SDK1: variants seen among roughly 807,000 people sequenced by gnomAD.
SDK1 encodes sidekick cell adhesion molecule 1.
Under a neutral mutation model 245.5 loss-of-function variants are expected in SDK1, and 157 were observed. The observed-to-expected ratio is 0.64, with a 90% CI of 0.56 to 0.73. The LOEUF (loss-of-function observed/expected upper bound fraction) is 0.73. Ranked by LOEUF, SDK1 falls within the 30% of genes least tolerant of loss-of-function variation. SDK1 has a pLI of 0.00. For synonymous variants in SDK1, 1,647 were observed against 1,278.5 expected (o/e 1.29, Z -6.15); for missense variants, 3,583 against 3,002.3 (o/e 1.19, Z -4.52).
At position 3,573,817 on chromosome 7, in the gene SDK1, C is replaced by T. The variant is rs1780192992; in HGVS notation, c.299-45263C>T. On this transcript the variant is annotated intron_variant, in intron 1 of 44. Coordinates refer to ENST00000404826, the MANE Select transcript of SDK1 (RefSeq NM_152744.4). ...GTCATGCTGAGAACCCTTGAAGCCC[C>T]CTGCTGTTCTTCTGTTTTCCATTTT... Among the ~76,000 whole-genome samples, 2 of 151,824 alleles carry T rather than the reference C, an allele frequency of 1.3e-5. 1 individual carries two copies. The highest frequency in any genetic ancestry group is 2.9e-5 in the Non-Finnish European group (2 of 67,900).
chr7:4,158,497 A>G lies in SDK1; in HGVS notation c.4675A>G (p.Ile1559Val), dbSNP rs1780910253. The change falls in exon 31 of 45, where the codon ATT becomes GTT. Residue 1559 changes from isoleucine to valine, a missense_variant. Coordinates refer to ENST00000404826, the MANE Select transcript of SDK1 (RefSeq NM_152744.4). ...YKLRLKATND[I>V]GDSDFSSETE... is the part of the protein sequence containing the mutation. ...GCTGCGCCTGAAAGCCACCAACGAC[A>G]TTGGGGACAGTGACTTCAGTTCAGA... 1 of 1,613,838 alleles carries G rather than the reference A, an allele frequency of 6.2e-7. No individual in the cohort carries two copies. Among genetic ancestry groups the G allele is most frequent in the East Asian group, 2.2e-5 (1 of 44,858 alleles).
At chr7:3,450,093 T>A (rs1780466327) in intron 1 of SDK1, among the ~76,000 whole-genome samples, 1 of 152,094 alleles carries the variant, frequency 6.6e-6, no homozygotes, top group Admixed American at 6.6e-5. Flanking sequence ...CAACTAGGGG[T>A]GAATAGTAAA....
At chr7:4,200,589 C>G (rs534402571) in intron 35 of SDK1, among the ~76,000 whole-genome samples, 1 of 152,192 alleles carries the variant, frequency 6.6e-6, no homozygotes, top group African/African-American at 2.4e-5. Context: ...TTCCATTGTT[C>G]GTGGACTTTT....
intron 4 of SDK1, among the ~76,000 whole-genome samples, chr7:3,660,347 G>A (rs1016712893): frequency 6.6e-6 from 1 of 151,900 alleles, no homozygotes; most frequent in African/African-American, 2.4e-5. Context: ...TAAGCAGCTT[G>A]AGAAAAGCTT....
chr7:4,175,792 A>G lies in SDK1; in HGVS notation c.4954A>G (p.Thr1652Ala). 6.2e-7 allele frequency: 1 copy of G among 1,613,978 alleles called. No individual in the cohort carries two copies. The highest frequency in any genetic ancestry group is 1.1e-5 in the South Asian group (1 of 91,092). Residue 1652 changes from threonine to alanine, a missense_variant, in exon 34 of 45, where the codon ACG (threonine) becomes GCG (alanine). Physicochemically the swap from Thr to Ala is moderately conservative, Grantham distance 58. Transcript: ENST00000404826. The stretch of plus-strand genomic sequence containing the variant: ...CCCAATAGCCCAAAGCAGCTTCAAG[A>G]CGGTGAACAGCAGCTCCACATCGAC... Reference protein sequence around the residue: ...AELTAQSSFKTVNSSSTSTMC... With the variant: ...AELTAQSSFKAVNSSSTSTMC...
chr7:3,554,305 C>T (rs1315846511), intron 1 of SDK1, among the ~76,000 whole-genome samples: 1 of 151,962 alleles, frequency 6.6e-6, no homozygotes, highest in Non-Finnish European at 1.5e-5. Flanking sequence ...AACAGGAAAA[C>T]CTTCAAACAG....
chr7:3,718,543 ATAAATAAATAAATAAATAAAT>A (rs1346471222), intron 4 of SDK1, among the ~76,000 whole-genome samples: 3 of 119,400 alleles, frequency 2.5e-5, no homozygotes, highest in Non-Finnish European at 3.4e-5. Flanking sequence ...AAATAAATAA[ATAAATAAATAAATAAATAAAT>A]AAATAAATAA....
chr7:3,301,764 G>A lies in SDK1; in HGVS notation c.178G>A (p.Gly60Arg), dbSNP rs2128539397. The A allele has an allele frequency of 1.0e-6, 1 of 988,374 alleles. No homozygotes were observed. Among genetic ancestry groups the A allele is most frequent in the Non-Finnish European group, 1.2e-6 (1 of 833,468 alleles). The allele number at this position is 988,374 out of a possible 1,614,324, so 61.2% of individuals were successfully genotyped here. A position where few individuals can be genotyped will look rare whatever the true frequency, so the allele number is the denominator to read the frequency against. ...RPRAAPETSG[G>R]DTAGAGRCGG... Reference sequence around the variant, plus strand: ...CCGGGCGGCGCCCGAGACCTCCGGCGGGGACACGGCGGGCGCGGGGCGGTG... The same window carrying A: ...CCGGGCGGCGCCCGAGACCTCCGGCAGGGACACGGCGGGCGCGGGGCGGTG... Residue 60 changes from glycine to arginine, a missense_variant, in exon 1 of 45, where the codon GGG (glycine) becomes AGG (arginine). By Grantham distance (125) the Gly-to-Arg change is moderately radical. Coordinates refer to ENST00000404826, the MANE Select transcript of SDK1 (RefSeq NM_152744.4).
chr7:3,324,074 C>T (rs1779883031), intron 1 of SDK1, among the ~76,000 whole-genome samples: 1 of 151,960 alleles, frequency 6.6e-6, no homozygotes, highest in South Asian at 2.1e-4. Context: ...GGCTGTTGGC[C>T]CTCACAGTAA....
chr7:3,821,731 G>T (rs1161516933), intron 5 of SDK1, 148 bp downstream of exon 5: 22 of 729,188 alleles, frequency 3.0e-5, no homozygotes, highest in Non-Finnish European at 3.9e-5. Context: ...CCAATAGTTC[G>T]GAGAGCTTTA....
At chr7:3,791,039 G>A (rs1186982753) in intron 4 of SDK1, among the ~76,000 whole-genome samples, 3 of 151,994 alleles carry the variant, frequency 2.0e-5, no homozygotes, top group Non-Finnish European at 2.9e-5. Flanking sequence ...TATCCTCATC[G>A]GTAAATTGGG....
intron 22 of SDK1, among the ~76,000 whole-genome samples, chr7:4,087,861 G>T (rs1393272455): frequency 6.6e-6 from 1 of 152,184 alleles, no homozygotes; most frequent in Non-Finnish European, 1.5e-5. Flanking sequence ...AGTACCATCT[G>T]CAAGGTTGTC....
chr7:4,260,936 C>T (rs1030481169), intron 44 of SDK1, among the ~76,000 whole-genome samples: 3 of 152,332 alleles, frequency 2.0e-5, no homozygotes, highest in South Asian at 2.1e-4. Flanking sequence ...TGCAATTCTC[C>T]TAAATGCAGA....
chr7:3,472,222 A>G (rs1781205963), intron 1 of SDK1, among the ~76,000 whole-genome samples: 1 of 152,156 alleles, frequency 6.6e-6, no homozygotes, highest in South Asian at 2.1e-4. Flanking sequence ...TGTCCATAGA[A>G]TTCCATCTTT....
intron 1 of SDK1, among the ~76,000 whole-genome samples, chr7:3,316,241 A>T (rs1308463966): frequency 6.6e-6 from 1 of 152,202 alleles, no homozygotes; most frequent in Non-Finnish European, 1.5e-5. Context: ...CTGCATATAT[A>T]AGGGTCCTGA....
intron 5 of SDK1, among the ~76,000 whole-genome samples, chr7:3,945,141 T>C (rs531968439): frequency 2.5e-4 from 38 of 152,220 alleles, no homozygotes; most frequent in Admixed American, 7.8e-4. Context: ...ACAGTCTACT[T>C]GTAACCCCTC....
intron 21 of SDK1, among the ~76,000 whole-genome samples, chr7:4,079,078 C>G (rs1780889625): frequency 6.6e-6 from 1 of 152,198 alleles, no homozygotes. Context: ...GAAGTACGGC[C>G]CGCTCGTTCT....
chr7:3,649,887 A>C (rs1782955162), intron 4 of SDK1, among the ~76,000 whole-genome samples: 1 of 152,184 alleles, frequency 6.6e-6, no homozygotes, highest in Admixed American at 6.5e-5. Context: ...CCAGAAACAG[A>C]AAAGAGCTTG....
chr7:3,484,164 C>G (rs947137332), intron 1 of SDK1, among the ~76,000 whole-genome samples: 1 of 152,156 alleles, frequency 6.6e-6, no homozygotes, highest in African/African-American at 2.4e-5. Context: ...GAAGCATGCT[C>G]CAGTCCACAG....
Sources: gnomAD v4.1 joint callset for allele counts (sites outside exome capture counted in the v4.1 genomes callset) on GRCh38, gnomAD v4.1.1 for gene constraint, MANE v1.5 for transcripts, NCBI Gene and HGNC (gene_info 2026-07-23, HGNC 2026-07-21) for gene names.